USP42: variants seen among roughly 807,000 people sequenced by gnomAD.
USP42 encodes ubiquitin specific peptidase 42.
Under a neutral mutation model 113.0 loss-of-function variants are expected in USP42, and 23 were observed. The observed-to-expected ratio is 0.20, with a 90% CI of 0.15 to 0.29. The LOEUF (loss-of-function observed/expected upper bound fraction) is 0.29, where lower values mean the gene tolerates loss of function less well. Among genes scored for constraint, USP42 ranks in the 10% least tolerant of loss-of-function variants. The probability of loss-of-function intolerance (pLI) is 1.00; values close to 1 mark genes in which losing one functional copy is unlikely to be tolerated. For missense variants in USP42, 2,174 were observed against 1,779.8 expected, an observed-to-expected ratio of 1.22 and a Z score of -3.99; for synonymous variants, 933 against 699.0, an observed-to-expected ratio of 1.33 and a Z score of -5.28.
chr7:6,144,078 T>C lies in USP42; in HGVS notation c.879-7T>C. 1 of 1,536,094 alleles carries C rather than the reference T, an allele frequency of 6.5e-7. No individual in the cohort carries two copies. The highest frequency in any genetic ancestry group is 8.7e-7 in the Non-Finnish European group (1 of 1,144,778). Reference sequence around the variant, plus strand: ...CTTCTTATACTTTTGTTTCTGTTTGTTTCAAGGTGTAAAAAGATGGTTCCA... The same window carrying C: ...CTTCTTATACTTTTGTTTCTGTTTGCTTCAAGGTGTAAAAAGATGGTTCCA... On this transcript the variant is annotated splice_region_variant and splice_polypyrimidine_tract_variant and intron_variant, in intron 8 of 17. Transcript: ENST00000306177.
chr7:6,100,268 C>T (rs112698783), upstream of USP42, among the ~76,000 whole-genome samples: 83 of 150,886 alleles, frequency 5.5e-4, 7 homozygotes, highest in African/African-American at 2.0e-3. Context: ...CCTAGATGGG[C>T]GCCTGATACT....
chr7:6,104,396 A>G (rs563320505), upstream of USP42, among the ~76,000 whole-genome samples: 4 of 152,328 alleles, frequency 2.6e-5, no homozygotes, highest in African/African-American at 9.6e-5. Context: ...CTTGTTTCTA[A>G]GAAACAAAAA....
intron 2 of USP42, among the ~76,000 whole-genome samples, chr7:6,113,716 G>A (rs996533160): frequency 1.3e-5 from 2 of 151,992 alleles, no homozygotes; most frequent in African/African-American, 2.4e-5. Context: ...CCGCCTCCCG[G>A]GTTCACACCA....
the USP42 span, among the ~76,000 whole-genome samples, chr7:6,095,530 G>A: frequency 6.0e-5 from 9 of 150,946 alleles, no homozygotes; most frequent in African/African-American, 7.4e-5. Context: ...TTAGCTGGGC[G>A]TGGTGGCAGG....
chr7:6,150,377 C>G, intron 13 of USP42, 35 bp from the exon 14 acceptor site: 1 of 1,612,004 alleles, frequency 6.2e-7, no homozygotes, highest in Non-Finnish European at 8.5e-7. Context: ...ATGGAGCTGG[C>G]GACTGAAGCT....
At chr7:6,123,884 C>CT (rs796386554) in intron 3 of USP42, among the ~76,000 whole-genome samples, 124 of 142,708 alleles carry the variant, frequency 8.7e-4, no homozygotes, top group African/African-American at 2.7e-3. Flanking sequence ...TATCGTTTCT[C>CT]TTTTTTTTTG....
At chr7:6,122,285 T>G (rs1335152881) in intron 3 of USP42, among the ~76,000 whole-genome samples, 2 of 151,584 alleles carry the variant, frequency 1.3e-5, no homozygotes, top group Admixed American at 6.6e-5. Context: ...GTCAGTTTTT[T>G]TTTTTTTTTT....
chr7:6,114,911 C>G (rs573541612), intron 2 of USP42, among the ~76,000 whole-genome samples: 41 of 151,500 alleles, frequency 2.7e-4, no homozygotes, highest in Non-Finnish European at 5.2e-4. Context: ...AGGATGGTCT[C>G]GATCTCCTGA....
the USP42 span, among the ~76,000 whole-genome samples, chr7:6,082,585 T>C: frequency 2.2e-4 from 32 of 147,578 alleles, 1 homozygote; most frequent in African/African-American, 7.4e-4. Context: ...AGACTGCGTC[T>C]CTATTTTCTT....
At chr7:6,104,507 G>T (rs148742211), upstream of USP42, among the ~76,000 whole-genome samples, 2 of 152,394 alleles carry the variant, frequency 1.3e-5, no homozygotes, top group Non-Finnish European at 2.9e-5. Flanking sequence ...GTTTTCGGGG[G>T]ACGGGGATCC....
rs71008362 is a variant in USP42, at chr7:6,114,656, G to GTATATATATATATATATATA, written c.242-663_242-644dup. ...TGTGTGTATATATGTATGTGTGTGT[G>GTATATATATATATATATATA]TATATATATATATATATATATATTT... On this transcript the variant is annotated intron_variant, in intron 2 of 17. Coordinates refer to ENST00000306177, the MANE Select transcript of USP42 (RefSeq NM_032172.3). Among the ~76,000 whole-genome samples the GTATATATATATATATATATA allele has an allele frequency of 2.5e-4, 15 of 60,578 alleles. 1 individual carries two copies. The highest frequency in any genetic ancestry group is 8.7e-4 in the East Asian group (1 of 1,154). The allele number at this position is 60,578 out of a possible 152,430, so 39.7% of individuals were successfully genotyped here.
intron 9 of USP42, among the ~76,000 whole-genome samples, 194 bp from the exon 10 acceptor site, chr7:6,145,322 C>T (rs1004811404): frequency 1.4e-5 from 2 of 143,708 alleles, no homozygotes; most frequent in South Asian, 4.4e-4. Flanking sequence ...TAGAGTGGCA[C>T]GCCATCTCAA....
In USP42 at chr7:6,147,314, T is replaced by G. The variant is rs528788945; in HGVS notation, c.1233-425T>G. On this transcript the variant is annotated intron_variant, in intron 11 of 17. Transcript: ENST00000306177. ...CCCATTTCTACAGAAAATAAAAAAA[T>G]GAGCCAGGCGTGGTGGTGCATGTCT... Among the ~76,000 whole-genome samples, 159 of 152,164 alleles carry G rather than the reference T, an allele frequency of 1.0e-3. 2 individuals carry two copies. Among genetic ancestry groups the G allele is most frequent in the African/African-American group, 3.8e-3 (156 of 41,494 alleles).
In USP42 at chr7:6,154,690, C is replaced by A; in HGVS notation, c.3136C>A (p.Arg1046=). ...CACCGAGGGCGAGCGTGGCTGGGGC[C>A]GGGAGAAGTTCTACCCCGACAGGCC... ...HYTEGERGWG[R]EKFYPDRPRW... The change falls in exon 15 of 18, where the codon CGG becomes AGG. Residue 1046 remains arginine (R), a synonymous_variant. Transcript: ENST00000306177. 6.2e-7 allele frequency: 1 copy of A among 1,603,796 alleles called. No individual in the cohort carries two copies.
chr7:6,145,713 T>A, intron 10 of USP42, 57 bp downstream of exon 10: 4 of 1,552,228 alleles, frequency 2.6e-6, no homozygotes, highest in Non-Finnish European at 3.5e-6. Context: ...AAGACAGCAG[T>A]AGCATTCTTG....
At chr7:6,133,144 A>C (rs890057609) in intron 3 of USP42, among the ~76,000 whole-genome samples, 1 of 152,312 alleles carries the variant, frequency 6.6e-6, no homozygotes, top group Middle Eastern at 3.4e-3. Flanking sequence ...TGAAAACTTA[A>C]TAACTTTTTT....
chr7:6,146,356 A>G lies in USP42; in HGVS notation c.1232+108A>G, dbSNP rs1407349083. On this transcript the variant is annotated intron_variant, in intron 11 of 17. Transcript: ENST00000306177. Reference sequence around the variant, plus strand: ...GTGTTTTAAAAAAAAAAAAAAACCCAGCAGCTTAAAGATCAACTCTAGCCT... The same window carrying G: ...GTGTTTTAAAAAAAAAAAAAAACCCGGCAGCTTAAAGATCAACTCTAGCCT... 5.3e-6 allele frequency: 4 copies of G among 754,476 alleles called. No homozygotes were observed. In the African/African-American group the frequency reaches 5.5e-5, roughly 10 times the overall value. The allele number at this position is 754,476 out of a possible 1,614,324, so 46.7% of individuals were successfully genotyped here.
chr7:6,123,231 T>C (rs1010655895), intron 3 of USP42, among the ~76,000 whole-genome samples: 2 of 152,170 alleles, frequency 1.3e-5, no homozygotes, highest in African/African-American at 2.4e-5. Flanking sequence ...GAGATAAATT[T>C]AGCCACCCCA....
At chr7:6,087,068 G>A in the USP42 span, among the ~76,000 whole-genome samples, 1 of 143,716 alleles carries the variant, frequency 7.0e-6, no homozygotes. Flanking sequence ...GTGTCACTCT[G>A]TCACCCAGGC....
Sources: gnomAD v4.1 joint callset for allele counts (sites outside exome capture counted in the v4.1 genomes callset) on GRCh38, gnomAD v4.1.1 for gene constraint, MANE v1.5 for transcripts, NCBI Gene and HGNC (gene_info 2026-07-23, HGNC 2026-07-21) for gene names.